The following BTBD9 variants were observed in gnomAD, a reference collection of about 807,000 sequenced individuals.
BTBD9 encodes BTB/POZ domain-containing protein 9.
A neutral mutation model predicts 64.3 loss-of-function variants in BTBD9; 49 were observed. That is an observed-to-expected ratio of 0.76 (90% CI 0.61 to 0.97). The LOEUF is 0.97. Among genes scored for constraint, BTBD9 ranks in the 50% least tolerant of loss-of-function variants. The pLI is 0.00. For missense variants in BTBD9, 598 were observed against 762.1 expected (o/e 0.78, Z 2.53); for synonymous variants, 260 against 274.7 (o/e 0.95, Z 0.53).
intron 9 of BTBD9, among the ~76,000 whole-genome samples, chr6:38,250,168 T>A (rs867340055): frequency 3.3e-5 from 5 of 152,206 alleles, no homozygotes; most frequent in Middle Eastern, 3.2e-3. Context: ...GGGGTTTTTT[T>A]AAAACTGTTT....
intron 8 of BTBD9, among the ~76,000 whole-genome samples, chr6:38,265,155 G>T (rs1440032385): frequency 6.6e-6 from 1 of 151,944 alleles, no homozygotes. Context: ...AAGCTCTCGG[G>T]TGTGTGGCAT....
chr6:38,597,171 A>AATT (rs1562397428), intron 2 of BTBD9, among the ~76,000 whole-genome samples: 2 of 152,178 alleles, frequency 1.3e-5, no homozygotes, highest in African/African-American at 4.8e-5. Flanking sequence ...CTTAATTCTG[A>AATT]CTATAAAAGC....
At chr6:38,595,704 T>G (rs1031957067) in intron 2 of BTBD9, 1 of 929,690 alleles carries the variant, frequency 1.1e-6, no homozygotes. Context: ...GGACCTAGCA[T>G]TCTTGCTTGC....
chr6:38,601,559 G>A (rs887094829), intron 1 of BTBD9, among the ~76,000 whole-genome samples: 1 of 152,118 alleles, frequency 6.6e-6, no homozygotes. Context: ...GGTGGCATGA[G>A]CCTGTAATCC....
intron 8 of BTBD9, among the ~76,000 whole-genome samples, chr6:38,281,753 C>T (rs1047585825): frequency 1.2e-4 from 18 of 152,146 alleles, no homozygotes; most frequent in African/African-American, 4.1e-4. Flanking sequence ...CCCACAGAGA[C>T]AATGGGTTTA....
intron 1 of BTBD9, among the ~76,000 whole-genome samples, chr6:38,628,691 T>G (rs552570955): frequency 6.6e-6 from 1 of 152,230 alleles, no homozygotes; most frequent in South Asian, 2.1e-4. Flanking sequence ...GAACTCATGG[T>G]TTTTAATATA....
chr6:38,360,483 A>G (rs750913040), intron 6 of BTBD9, among the ~76,000 whole-genome samples: 6 of 152,192 alleles, frequency 3.9e-5, no homozygotes, highest in African/African-American at 9.7e-5. Context: ...GGAAATTACA[A>G]TACATATTAG....
intron 1 of BTBD9, among the ~76,000 whole-genome samples, chr6:38,603,201 A>T (rs1311812652): frequency 2.0e-5 from 3 of 152,182 alleles, no homozygotes; most frequent in Non-Finnish European, 4.4e-5. Flanking sequence ...AGGAAATGGT[A>T]CCTTTCACGG....
intron 7 of BTBD9, among the ~76,000 whole-genome samples, chr6:38,327,412 T>A (rs958748582): frequency 3.3e-5 from 5 of 152,132 alleles, no homozygotes; most frequent in African/African-American, 1.2e-4. Flanking sequence ...CCCAAAACTG[T>A]ATACAGCAGT....
chr6:38,223,558 G>A (rs975727480), intron 9 of BTBD9, among the ~76,000 whole-genome samples: 2 of 152,052 alleles, frequency 1.3e-5, no homozygotes, highest in South Asian at 2.1e-4. Context: ...GGCTGGATTC[G>A]AATTCCCGGC....
chr6:38,382,576 G>A (rs1765984713), intron 6 of BTBD9, among the ~76,000 whole-genome samples: 1 of 149,092 alleles, frequency 6.7e-6, no homozygotes, highest in Non-Finnish European at 1.5e-5. Flanking sequence ...AAATAATAAT[G>A]ATCAGAGCAA....
intron 7 of BTBD9, among the ~76,000 whole-genome samples, chr6:38,330,423 GCACCTATAGTCC>G (rs1763628131): frequency 6.6e-6 from 1 of 152,092 alleles, no homozygotes; most frequent in South Asian, 2.1e-4. Flanking sequence ...ACAGTAGTGT[GCACCTATAGTCC>G]CAGCTACTTG....
Position 38,474,668 on chromosome 6 carries a change from A to G in BTBD9, c.1154+102932T>C, listed in dbSNP as rs193083429. Among the ~76,000 whole-genome samples, 431 of 152,346 alleles carry G rather than the reference A, an allele frequency of 2.8e-3. 2 individuals carry two copies. The highest frequency in any genetic ancestry group is 9.9e-3 in the African/African-American group (413 of 41,582). The stretch of plus-strand genomic sequence containing the variant: ...CCTGGTTCATACAAATACATGAATC[A>G]ATAACAGCATCAGTTCTCAAAGCTC... On this transcript the variant is annotated intron_variant, in intron 6 of 10. Coordinates refer to ENST00000481247, the MANE Select transcript of BTBD9 (RefSeq NM_001099272.2).
chr6:38,281,378 CAG>C (rs1761510207), intron 8 of BTBD9, among the ~76,000 whole-genome samples: 1 of 152,100 alleles, frequency 6.6e-6, no homozygotes, highest in South Asian at 2.1e-4. Context: ...TGACAGTTCA[CAG>C]AGAAAGAAAA....
intron 7 of BTBD9, among the ~76,000 whole-genome samples, chr6:38,324,966 A>G (rs887703685): frequency 1.3e-5 from 2 of 152,168 alleles, no homozygotes; most frequent in Admixed American, 1.3e-4. Context: ...ACCTTGTGAG[A>G]CTGTTGCAAG....
At chr6:38,440,263 TGGA>T (rs972725208) in intron 6 of BTBD9, among the ~76,000 whole-genome samples, 3 of 152,118 alleles carry the variant, frequency 2.0e-5, no homozygotes, top group African/African-American at 7.2e-5. Context: ...TTTTAGAGGC[TGGA>T]GGAGAAGGAG....
rs184377292 is a variant in BTBD9 at position 38,251,183 on chromosome 6, G to A, written c.1562+5226C>T. 2.7e-3 allele frequency among the ~76,000 whole-genome samples: 403 copies of A among 151,464 alleles called. 1 individual carries two copies. Among genetic ancestry groups the A allele is most frequent in the African/African-American group, 9.2e-3 (382 of 41,356 alleles). ...AACTAAAAAAACATAACAAAAATGA[G>A]GAGTGGTTAAATGAGCTAAATTTCT... On this transcript the variant is annotated intron_variant, in intron 9 of 10. Transcript: ENST00000481247.
chr6:38,448,671 C>T (rs995609037), intron 6 of BTBD9, among the ~76,000 whole-genome samples: 5 of 152,128 alleles, frequency 3.3e-5, no homozygotes, highest in Non-Finnish European at 5.9e-5. Context: ...CCGTGTGCAA[C>T]CATGCCTGGC....
intron 6 of BTBD9, among the ~76,000 whole-genome samples, chr6:38,347,174 T>G (rs141611817): frequency 4.6e-5 from 7 of 152,166 alleles, no homozygotes; most frequent in Non-Finnish European, 1.0e-4. Flanking sequence ...TGCGAGAAAA[T>G]GTGCAACCCT....
Sources: allele counts gnomAD v4.1 joint callset (sites outside exome capture counted in the v4.1 genomes callset), GRCh38; gene constraint gnomAD v4.1.1; transcripts MANE v1.5; gene names NCBI Gene and HGNC (gene_info 2026-07-23, HGNC 2026-07-21).